The following NBN variants were observed in gnomAD, a reference collection of about 807,000 sequenced individuals.
NBN encodes the protein nibrin.
NBN carries 88 observed loss-of-function variants against 90.8 expected under a neutral mutation model. That is an observed-to-expected ratio of 0.97 (90% CI 0.82 to 1.16). The LOEUF (loss-of-function observed/expected upper bound fraction) is 1.16. Among genes scored for constraint, NBN ranks in the 50% most tolerant of loss-of-function variants. NBN has a pLI of 0.00. For synonymous variants in NBN, 328 were observed against 295.1 expected (o/e 1.11, Z -1.14); for missense variants, 894 against 869.6 (o/e 1.03, Z -0.35).
chr8:89,943,058 A>G (rs1433609193), intron 14 of NBN, among the ~76,000 whole-genome samples, 195 bp downstream of exon 14: 3 of 151,198 alleles, frequency 2.0e-5, no homozygotes, highest in African/African-American at 7.3e-5. Context: ...TTTTTTAACA[A>G]AAATAAATTT....
chr8:89,972,442 C>T (rs192696705), intron 5 of NBN, among the ~76,000 whole-genome samples: 1 of 152,270 alleles, frequency 6.6e-6, no homozygotes, highest in Admixed American at 6.5e-5. Flanking sequence ...CAGGCAACTG[C>T]GTTAGTTATG....
At chr8:89,973,012 C>T (rs1474884650) in intron 5 of NBN, among the ~76,000 whole-genome samples, 2 of 152,170 alleles carry the variant, frequency 1.3e-5, no homozygotes, top group Admixed American at 6.5e-5. Context: ...TAGCTTAGTT[C>T]GATGAAGTTT....
intron 11 of NBN, among the ~76,000 whole-genome samples, chr8:89,952,165 CT>C (rs1189287534): frequency 6.6e-6 from 1 of 152,110 alleles, no homozygotes; most frequent in Non-Finnish European, 1.5e-5. Flanking sequence ...TTCCAGGACA[CT>C]TTTATAGGGG....
chr8:89,978,684 A>T (rs1811892252), intron 4 of NBN, among the ~76,000 whole-genome samples: 1 of 152,230 alleles, frequency 6.6e-6, no homozygotes, highest in Admixed American at 6.5e-5. Flanking sequence ...TTCAGAATTG[A>T]GGAAATGTAA....
Position 89,934,540 on chromosome 8 carries a change from A to G in NBN, c.*1042T>C, listed in dbSNP as rs1809576334. ...GATTTGGAAGGTGAGAGTGATGTAG[A>G]GGCCAGCCTCTTGTCCCTTCTGTTG... is the stretch of plus-strand genomic sequence containing the variant. On this transcript the variant is annotated 3_prime_UTR_variant, in exon 16 of 16. Transcript: ENST00000265433. The G allele has an allele frequency of 8.6e-6, 2 of 233,126 alleles. No individual in the cohort carries two copies. Among genetic ancestry groups the G allele is most frequent in the Non-Finnish European group, 8.5e-6 (1 of 118,026 alleles). The allele number at this position is 233,126 out of a possible 1,614,324, so 14.4% of individuals were successfully genotyped here. A position where few individuals can be genotyped will look rare whatever the true frequency, so the allele number is the denominator to read the frequency against.
Position 89,981,463 on chromosome 8 carries a change from C to G in NBN, c.232G>C (p.Val78Leu). The G allele has an allele frequency of 6.2e-7, 1 of 1,613,778 alleles. No individual in the cohort carries two copies. Among genetic ancestry groups the G allele is most frequent in the Non-Finnish European group, 8.5e-7 (1 of 1,179,722 alleles). Reference protein sequence around the residue: ...LKDNSKYGTFVNEEKMQNGFS... With the variant: ...LKDNSKYGTFLNEEKMQNGFS... ...CCATTCTGCATTTTTTCCTCATTAACAAAGGTACCATACTTAGAATTATCT... is the reference window on the plus strand; with the variant it reads ...CCATTCTGCATTTTTTCCTCATTAAGAAAGGTACCATACTTAGAATTATCT... The change falls in exon 3 of 16, where the codon GTT becomes CTT. Residue 78 changes from valine (V) to leucine (L), a missense_variant. Transcript: ENST00000265433.
In NBN at chr8:89,980,808, C is replaced by T. The variant is rs1554567936; in HGVS notation, c.406G>A (p.Gly136Arg). The change falls in exon 4 of 16, where the codon GGA (glycine) becomes AGA (arginine). Residue 136 changes from glycine to arginine, a missense_variant. Coordinates refer to ENST00000265433, the MANE Select transcript of NBN (RefSeq NM_002485.5). Reference sequence around the variant, plus strand: ...GTCCAATTGTTTACAGTAAATCCTCCAAGTTGCAATATAGCTTGATTTAAA... The same window carrying T: ...GTCCAATTGTTTACAGTAAATCCTCTAAGTTGCAATATAGCTTGATTTAAA... The part of the protein sequence containing the change: ...TALNQAILQL[G>R]GFTVNNWTEE... The T allele has an allele frequency of 3.1e-6, 5 of 1,613,288 alleles. No individual in the cohort carries two copies. The highest frequency in any genetic ancestry group is 4.2e-6 in the Non-Finnish European group (5 of 1,179,442).
At chr8:89,956,027 A>G (rs1234183929) in intron 9 of NBN, among the ~76,000 whole-genome samples, 1 of 151,888 alleles carries the variant, frequency 6.6e-6, no homozygotes, top group East Asian at 1.9e-4. Context: ...GTCACTGTAA[A>G]TGAACTGATA....
chr8:89,945,780 T>C (rs1810157326), intron 13 of NBN, among the ~76,000 whole-genome samples: 2 of 152,182 alleles, frequency 1.3e-5, no homozygotes. Flanking sequence ...TTATTTTAAA[T>C]ACATTTTAAT....
At chr8:89,963,065 A>T (rs1375033059) in intron 8 of NBN, among the ~76,000 whole-genome samples, 3 of 152,180 alleles carry the variant, frequency 2.0e-5, no homozygotes, top group Non-Finnish European at 2.9e-5. Flanking sequence ...TGTTTTGCAG[A>T]TTAAAGTTTG....
At chr8:89,972,050 T>C (rs559847981) in intron 5 of NBN, among the ~76,000 whole-genome samples, 94 of 152,280 alleles carry the variant, frequency 6.2e-4, no homozygotes, top group African/African-American at 1.8e-3. Context: ...ATGATGATGA[T>C]GATAAGGGGA....
intron 8 of NBN, among the ~76,000 whole-genome samples, chr8:89,959,340 T>C (rs1810883980): frequency 6.6e-6 from 1 of 152,230 alleles, no homozygotes; most frequent in East Asian, 1.9e-4. Flanking sequence ...CTCATCTTTT[T>C]ACTTACCAGA....
At chr8:89,965,212 G>A (rs757411407) in intron 7 of NBN, among the ~76,000 whole-genome samples, 1 of 152,024 alleles carries the variant, frequency 6.6e-6, no homozygotes, top group South Asian at 2.1e-4. Flanking sequence ...AAAAAAAGAA[G>A]AGAGAGAGGA....
rs145197619 is a variant in NBN at position 89,952,479 on chromosome 8, G to C, written c.1845+765C>G. Among the ~76,000 whole-genome samples, 123 of 152,224 alleles carry C rather than the reference G, an allele frequency of 8.1e-4. No individual in the cohort carries two copies. In the Middle Eastern group the frequency reaches 0.017, roughly 21 times the overall value. On this transcript the variant is annotated intron_variant, in intron 11 of 15. Transcript: ENST00000265433. ...AAATAGGACATAGGTTCTGTTTTTT[G>C]AATAGTAGTTGTAGATTTATAAGGT...
In NBN at chr8:89,941,830, T is replaced by A. The variant is rs191367264; in HGVS notation, c.2184+1423A>T. ...ATGTGATTTCCATTCTTTCATTTTTTAAAAATAAGTATCCTGAGTGACCTT... is the reference window on the plus strand; with the variant it reads ...ATGTGATTTCCATTCTTTCATTTTTAAAAAATAAGTATCCTGAGTGACCTT... On this transcript the variant is annotated intron_variant, in intron 14 of 15. Transcript: ENST00000265433. 4.9e-3 allele frequency among the ~76,000 whole-genome samples: 746 copies of A among 152,336 alleles called. 8 individuals are homozygous for A. The highest frequency in any genetic ancestry group is 0.016 in the African/African-American group (680 of 41,580).
intron 1 of NBN, 62 bp downstream of exon 1, chr8:89,984,463 G>C: frequency 6.7e-7 from 1 of 1,489,468 alleles, no homozygotes; most frequent in Non-Finnish European, 9.3e-7. Flanking sequence ...TCACCCGCAG[G>C]CCCTCCCCCG....
chr8:89,977,364 T>G (rs1811813758), intron 5 of NBN, among the ~76,000 whole-genome samples: 2 of 152,184 alleles, frequency 1.3e-5, no homozygotes, highest in Admixed American at 6.5e-5. Context: ...AATGATGGTT[T>G]CCAGCTTCAT....
chr8:89,944,279 T>A (rs886256897), intron 13 of NBN, among the ~76,000 whole-genome samples: 5 of 152,188 alleles, frequency 3.3e-5, no homozygotes, highest in African/African-American at 1.2e-4. Context: ...AAACTCCTTA[T>A]CTGGGTAATT....
intron 7 of NBN, among the ~76,000 whole-genome samples, chr8:89,970,127 T>C (rs1811434350): frequency 6.6e-6 from 1 of 150,854 alleles, no homozygotes; most frequent in Non-Finnish European, 1.5e-5. Context: ...TGGGTGCCTA[T>C]AATCGCAGCT....
Sources: gnomAD v4.1 joint callset for allele counts (sites outside exome capture counted in the v4.1 genomes callset) on GRCh38, gnomAD v4.1.1 for gene constraint, MANE v1.5 for transcripts, NCBI Gene and HGNC (gene_info 2026-07-23, HGNC 2026-07-21) for gene names.